Variants in PUSL1 observed in about 807,000 individuals in gnomAD.
PUSL1 encodes pseudouridine synthase like 1.
A neutral mutation model predicts 30.7 loss-of-function variants in PUSL1; 51 were observed. The ratio of observed to expected loss-of-function variants is 1.66; its 90% CI spans 1.33 to 2.10. PUSL1 has a LOEUF of 2.10. PUSL1 is among the 30% of genes most tolerant of loss of function. PUSL1 has a pLI of 0.00. For synonymous variants in PUSL1, 290 were observed against 192.1 expected (o/e 1.51, Z -4.21); for missense variants, 609 against 427.6 (o/e 1.42, Z -3.74).
rs371240561 is a variant in PUSL1 at position 1,310,694 on chromosome 1, C to G, written c.699+6C>G. ...AGTCTTTCCTGTATAGACAGGTAGG[C>G]TCTGTTCTGGGGCCGTCCCCAGGGG... On this transcript the variant is annotated splice_donor_region_variant and intron_variant, in intron 6 of 7. Coordinates refer to ENST00000379031, the MANE Select transcript of PUSL1 (RefSeq NM_153339.3). 1 of 1,610,114 alleles carries G rather than the reference C, an allele frequency of 6.2e-7. No individual in the cohort carries two copies. The highest frequency in any genetic ancestry group is 1.3e-5 in the African/African-American group (1 of 74,748).
In PUSL1 at chr1:1,310,997, C is replaced by A; in HGVS notation, c.788C>A (p.Pro263His). Residue 263 changes from proline to histidine, a missense_variant, in exon 7 of 8, where the codon CCC (proline) becomes CAC (histidine). Pro to His is a moderately conservative substitution (Grantham distance 77, BLOSUM62 -2). Coordinates refer to ENST00000379031, the MANE Select transcript of PUSL1 (RefSeq NM_153339.3). ...AAGACGATTCTGGAGAGCCAAGATC[C>A]CCTGGGCAAGCACCAGACACGTGTA... is the stretch of plus-strand genomic sequence containing the variant. ...QVKTILESQDPLGKHQTRVAP... is the reference protein window; with the variant it reads ...QVKTILESQDHLGKHQTRVAP... 1 of 1,612,914 alleles carries A rather than the reference C, an allele frequency of 6.2e-7. No individual in the cohort carries two copies. Among genetic ancestry groups the A allele is most frequent in the East Asian group, 2.2e-5 (1 of 44,884 alleles).
Position 1,311,391 on chromosome 1 carries a change from C to T in PUSL1, c.*12C>T. ...GGAGCCACGGATGACCCTGGACACT[C>T]AAGCCAAAGTTAGGCCACACCAGGC... On this transcript the variant is annotated 3_prime_UTR_variant, in exon 8 of 8. Transcript: ENST00000379031. 5.6e-6 allele frequency: 9 copies of T among 1,601,586 alleles called. No individual in the cohort carries two copies. Among genetic ancestry groups the T allele is most frequent in the Non-Finnish European group, 7.7e-6 (9 of 1,174,524 alleles).
Position 1,309,597 on chromosome 1 carries a change from C to A in PUSL1, c.467C>A (p.Pro156Gln), listed in dbSNP as rs767945512. The change falls in exon 4 of 8, where the codon CCG (proline) becomes CAG (glutamine). Residue 156 changes from proline to glutamine, a missense_variant. Coordinates refer to ENST00000379031, the MANE Select transcript of PUSL1 (RefSeq NM_153339.3). ...GAACGCAACCTATGCTGGACTCTCC[C>A]GGCAGAGTGAGTGTGGCCCTGACAG... ...VFERNLCWTL[P>Q]ADCLDMVAMQ... 1 of 1,610,882 alleles carries A rather than the reference C, an allele frequency of 6.2e-7. No homozygotes were observed. Among genetic ancestry groups the A allele is most frequent in the Non-Finnish European group, 8.5e-7 (1 of 1,178,930 alleles).
At chr1:1,308,862 G>A (rs1245293507) in intron 1 of PUSL1, 53 bp from the exon 2 acceptor site, 20 of 1,425,532 alleles carry the variant, frequency 1.4e-5, no homozygotes, top group Admixed American at 1.2e-4. Context: ...AGACGGCGGC[G>A]GAGACCCCAG....
chr1:1,309,646 CCCCA>C (rs1473183938), intron 4 of PUSL1, 31 bp from the exon 5 acceptor site: 1 of 1,596,742 alleles, frequency 6.3e-7, no homozygotes, highest in East Asian at 2.3e-5. Flanking sequence ...GGCAGGCCGG[CCCCA>C]CCCTCCTGAC....
rs1392648230 is a variant in PUSL1, at chr1:1,310,424, C to T, written c.645-210C>T. On this transcript the variant is annotated intron_variant, in intron 5 of 7. Coordinates refer to ENST00000379031, the MANE Select transcript of PUSL1 (RefSeq NM_153339.3). ...TGCCCAGCCTCCAGGGTCCTGCTGC[C>T]TCCTTGCCCAAGCATTGTTTCTCTG... The T allele has an allele frequency of 3.1e-5, 18 of 584,026 alleles. No homozygotes were observed. In the East Asian group the frequency reaches 4.5e-4, roughly 15 times the overall value. 36.2% of individuals were successfully genotyped at this position (584,026 alleles called of 1,614,324 possible). A position where few individuals can be genotyped will look rare whatever the true frequency, so the allele number is the denominator to read the frequency against.
chr1:1,308,988 C>G lies in PUSL1; in HGVS notation c.135+16C>G, dbSNP rs373068333. Reference sequence around the variant, plus strand: ...CTACCTGGAGGTGCGCTCAGCCGGTCACGGGACGCCCGGTGAGGGGTAAGG... The same window carrying G: ...CTACCTGGAGGTGCGCTCAGCCGGTGACGGGACGCCCGGTGAGGGGTAAGG... On this transcript the variant is annotated intron_variant, in intron 2 of 7. Transcript: ENST00000379031. 5,115 of 1,403,676 alleles carry G rather than the reference C, an allele frequency of 3.6e-3. 11 individuals are homozygous for G. Among genetic ancestry groups the G allele is most frequent in the South Asian group, 6.0e-3 (375 of 62,288 alleles). 87.0% of individuals were successfully genotyped at this position (1,403,676 alleles called of 1,614,324 possible).
intron 5 of PUSL1, 182 bp downstream of exon 5, chr1:1,310,033 C>CA: frequency 1.8e-6 from 1 of 556,874 alleles, no homozygotes; most frequent in Non-Finnish European, 3.2e-6. Flanking sequence ...GCCCTCCCCC[C>CA]AGGCTGGGGA....
Position 1,311,454 on chromosome 1 carries a change from G to C in PUSL1, c.*75G>C. 6.9e-7 allele frequency: 1 copy of C among 1,458,146 alleles called. No homozygotes were observed. Among genetic ancestry groups the C allele is most frequent in the Non-Finnish European group, 9.4e-7 (1 of 1,063,574 alleles). The allele number at this position is 1,458,146 out of a possible 1,614,324, so 90.3% of individuals were successfully genotyped here. On this transcript the variant is annotated 3_prime_UTR_variant, in exon 8 of 8. Coordinates refer to ENST00000379031, the MANE Select transcript of PUSL1 (RefSeq NM_153339.3). ...TGGTCAAGCCAGGGCAGTCACAGCT[G>C]CTTGGGGCCCACAGCACTGCTGCCT...
intron 7 of PUSL1, 38 bp downstream of exon 7, chr1:1,311,109 C>G (rs1309494878): frequency 1.3e-6 from 2 of 1,568,046 alleles, no homozygotes; most frequent in Admixed American, 1.8e-5. Context: ...TGTCATGTGC[C>G]CAGTGACTAC....
At position 1,309,814 on chromosome 1, in the gene PUSL1, G is replaced by A. The variant is rs535366534; in HGVS notation, c.607G>A (p.Gly203Ser). The A allele has an allele frequency of 1.9e-6, 3 of 1,549,188 alleles. No homozygotes were observed. In the Admixed American group the frequency reaches 5.9e-5, roughly 30 times the overall value. The change falls in exon 5 of 8, where the codon GGC becomes AGC. Residue 203 changes from glycine (G) to serine (S), a missense_variant. Transcript: ENST00000379031. ...RTLRRVSVSP[G>S]QASPLVTPEE... The stretch of plus-strand genomic sequence containing the variant: ...GCTGCGCCGGGTCTCCGTTTCCCCA[G>A]GCCAAGCCAGCCCCTTGGTCACCCC...
chr1:1,310,294 C>T (rs1642052448), intron 5 of PUSL1: 2 of 374,476 alleles, frequency 5.3e-6, no homozygotes, highest in South Asian at 4.4e-5. Context: ...GCAGCAGGTA[C>T]AGGACTGGGG....
chr1:1,309,845 A>G lies in PUSL1; in HGVS notation c.638A>G (p.Glu213Gly). The change falls in exon 5 of 8, where the codon GAG becomes GGG. Residue 213 changes from glutamate (E) to glycine (G), a missense_variant. By Grantham distance (98) the Glu-to-Gly change is moderately conservative (BLOSUM62 -2). Transcript: ENST00000379031. ...GQASPLVTPEESRKLRFWNLE... is the reference protein window; with the variant it reads ...GQASPLVTPEGSRKLRFWNLE... ...GCCAGCCCCTTGGTCACCCCCGAGG[A>G]GAGCAGGTGAGGAAGGGCCCCTGGG... 1 of 1,515,996 alleles carries G rather than the reference A, an allele frequency of 6.6e-7. No homozygotes were observed. Among genetic ancestry groups the G allele is most frequent in the Non-Finnish European group, 8.9e-7 (1 of 1,125,356 alleles). 93.9% of individuals were successfully genotyped at this position (1,515,996 alleles called of 1,614,324 possible). A position where few individuals can be genotyped will look rare whatever the true frequency, so the allele number is the denominator to read the frequency against.
rs1398735587 is a variant in PUSL1 at position 1,311,560 on chromosome 1, A to AG, written c.*183dup. The AG allele has an allele frequency of 1.4e-6, 1 of 737,728 alleles. No homozygotes were observed. Among genetic ancestry groups the AG allele is most frequent in the Non-Finnish European group, 2.4e-6 (1 of 417,622 alleles). 45.7% of individuals were successfully genotyped at this position (737,728 alleles called of 1,614,324 possible). A position where few individuals can be genotyped will look rare whatever the true frequency, so the allele number is the denominator to read the frequency against. Reference sequence around the variant, plus strand: ...TCCCAGGCGGGATGGGGCACAGTGCAGGACACAGCCATGTACACCAAGAAG... The same window carrying AG: ...TCCCAGGCGGGATGGGGCACAGTGCAGGGACACAGCCATGTACACCAAGAAG... On this transcript the variant is annotated 3_prime_UTR_variant, in exon 8 of 8. Coordinates refer to ENST00000379031, the MANE Select transcript of PUSL1 (RefSeq NM_153339.3).
intron 3 of PUSL1, 49 bp from the exon 4 acceptor site, chr1:1,309,405 C>CGCGG (rs1170123242): frequency 3.3e-6 from 5 of 1,533,830 alleles, no homozygotes; most frequent in East Asian, 4.8e-5. Flanking sequence ...AATGTGACAC[C>CGCGG]GCGGGCGGGC....
chr1:1,309,856 G>C lies in PUSL1; in HGVS notation c.644+5G>C. ...GGTCACCCCCGAGGAGAGCAGGTGA[G>C]GAAGGGCCCCTGGGCTGTGGCCCTG... On this transcript the variant is annotated splice_donor_5th_base_variant and intron_variant, in intron 5 of 7. Transcript: ENST00000379031. The C allele has an allele frequency of 1.3e-6, 2 of 1,505,128 alleles. No homozygotes were observed. The highest frequency in any genetic ancestry group is 2.5e-5 in the South Asian group (2 of 79,476). The allele number at this position is 1,505,128 out of a possible 1,614,324, so 93.2% of individuals were successfully genotyped here.
In PUSL1 at chr1:1,309,715, C is replaced by G; in HGVS notation, c.508C>G (p.Gln170Glu). Residue 170 changes from glutamine (Q) to glutamate (E), a missense_variant, in exon 5 of 8, where the codon CAG becomes GAG. By Grantham distance (29) the Gln-to-Glu change is conservative. Coordinates refer to ENST00000379031, the MANE Select transcript of PUSL1 (RefSeq NM_153339.3). ...LDMVAMQEAA[Q>E]HLLGTHDFSA... The stretch of plus-strand genomic sequence containing the variant: ...TATGGTCGCCATGCAGGAAGCCGCC[C>G]AGCACCTCCTCGGCACACACGACTT... 3 of 1,597,774 alleles carry G rather than the reference C, an allele frequency of 1.9e-6. No homozygotes were observed. Among genetic ancestry groups the G allele is most frequent in the Non-Finnish European group, 2.6e-6 (3 of 1,169,572 alleles).
rs1326165072 is a variant in PUSL1 at position 1,309,745 on chromosome 1, G to A, written c.538G>A (p.Ala180Thr). The A allele has an allele frequency of 1.9e-6, 3 of 1,595,712 alleles. No individual in the cohort carries two copies. Among genetic ancestry groups the A allele is most frequent in the Non-Finnish European group, 2.6e-6 (3 of 1,171,778 alleles). ...QHLLGTHDFS[A>T]FQSAGSPVPS... Reference sequence around the variant, plus strand: ...CCTCCTCGGCACACACGACTTCAGCGCCTTCCAGTCCGCTGGCAGCCCGGT... The same window carrying A: ...CCTCCTCGGCACACACGACTTCAGCACCTTCCAGTCCGCTGGCAGCCCGGT... The change falls in exon 5 of 8, where the codon GCC (alanine) becomes ACC (threonine). Residue 180 changes from alanine to threonine, a missense_variant. Transcript: ENST00000379031.
intron 5 of PUSL1, chr1:1,310,204 C>T (rs1642044069): frequency 5.6e-6 from 2 of 354,088 alleles, no homozygotes; most frequent in South Asian, 1.1e-4. Flanking sequence ...CAGGTGGCAG[C>T]TTCTGACCAG....
Sources: gnomAD v4.1 joint callset for allele counts on GRCh38, gnomAD v4.1.1 for gene constraint, MANE v1.5 for transcripts, NCBI Gene and HGNC (gene_info 2026-07-23, HGNC 2026-07-21) for gene names.